Variants in SLC4A4 observed in about 807,000 individuals in gnomAD.
The protein encoded by SLC4A4 is solute carrier family 4 member 4.
A neutral mutation model predicts 111.5 loss-of-function variants in SLC4A4; 27 were observed. The observed-to-expected ratio is 0.24, with a 90% CI of 0.18 to 0.33. The LOEUF is 0.33. Ranked by LOEUF, SLC4A4 falls within the 10% of genes least tolerant of loss-of-function variation. The pLI is 1.00. For synonymous variants in SLC4A4, 443 were observed against 463.4 expected (o/e 0.96, Z 0.57); for missense variants, 909 against 1,315.5 (o/e 0.69, Z 4.78).
At chr4:71,377,838 C>T (rs1200871908) in intron 6 of SLC4A4, among the ~76,000 whole-genome samples, 1 of 152,024 alleles carries the variant, frequency 6.6e-6, no homozygotes, top group African/African-American at 2.4e-5. Flanking sequence ...TTGTATTAGT[C>T]CATTTTCATG....
intron 2 of SLC4A4, among the ~76,000 whole-genome samples, chr4:71,165,081 A>G (rs1456300067): frequency 3.9e-5 from 6 of 152,158 alleles, no homozygotes; most frequent in African/African-American, 1.4e-4. Context: ...GTGGAGAAAT[A>G]GGAACACTTT....
intron 2 of SLC4A4, among the ~76,000 whole-genome samples, chr4:71,142,410 TC>T (rs1166860384): frequency 1.3e-5 from 2 of 152,236 alleles, no homozygotes; most frequent in Admixed American, 6.5e-5. Context: ...TAGGGCTACT[TC>T]AGGCATCTAT....
At chr4:71,239,815 T>C (rs1029901077) in intron 2 of SLC4A4, among the ~76,000 whole-genome samples, 1 of 152,198 alleles carries the variant, frequency 6.6e-6, no homozygotes, top group Non-Finnish European at 1.5e-5. Context: ...CTGGTTACCT[T>C]GTACTATGCG....
At chr4:71,184,655 G>T (rs758637960), upstream of SLC4A4, among the ~76,000 whole-genome samples, 3 of 152,098 alleles carry the variant, frequency 2.0e-5, no homozygotes, top group African/African-American at 4.8e-5. Context: ...AAGACAAAAA[G>T]AACTAATAAA....
chr4:71,527,037 T>G (rs1733483416), intron 16 of SLC4A4, among the ~76,000 whole-genome samples: 1 of 152,120 alleles, frequency 6.6e-6, no homozygotes, highest in South Asian at 2.1e-4. Context: ...AACATTAATT[T>G]TCTCTGCAAC....
chr4:71,560,214 A>G lies in SLC4A4; in HGVS notation c.3059A>G (p.Lys1020Arg). The change falls in exon 23 of 26, where the codon AAG (lysine) becomes AGG (arginine). Residue 1020 changes from lysine (K) to arginine (R), a missense_variant. Transcript: ENST00000264485. ...AAAAAGAAGGAGGATGAGAAGAAAA[A>G]GAAAAAGAAGAAGGGAAGTCTGGAC... ...DKKKKEDEKK[K>R]KKKKGSLDSD... The G allele has an allele frequency of 6.2e-7, 1 of 1,610,752 alleles. No individual in the cohort carries two copies. Among genetic ancestry groups the G allele is most frequent in the Non-Finnish European group, 8.5e-7 (1 of 1,177,964 alleles).
intron 6 of SLC4A4, among the ~76,000 whole-genome samples, chr4:71,385,191 ATT>A (rs1157788396): frequency 1.8e-3 from 21 of 11,892 alleles, no homozygotes; most frequent in East Asian, 2.8e-3. Context: ...ATATATATAT[ATT>A]TTTTTTTTTT....
At chr4:71,142,946 T>A (rs1206445410) in intron 2 of SLC4A4, among the ~76,000 whole-genome samples, 1 of 151,274 alleles carries the variant, frequency 6.6e-6, no homozygotes, top group African/African-American at 2.4e-5. Flanking sequence ...TTCTTTCCTT[T>A]TTATTATTAT....
chr4:71,162,544 A>C (rs1279743409), intron 2 of SLC4A4, among the ~76,000 whole-genome samples: 3 of 152,140 alleles, frequency 2.0e-5, no homozygotes, highest in African/African-American at 7.2e-5. Context: ...CTAATCTCTT[A>C]TTGCTCCTTG....
chr4:71,536,492 A>ATATATATATATATATATATATTTATT (rs1246136965), intron 18 of SLC4A4, among the ~76,000 whole-genome samples: 1 of 126,650 alleles, frequency 7.9e-6, no homozygotes, highest in Non-Finnish European at 1.7e-5. Flanking sequence ...ATATATGTAT[A>ATATATATATATATATATATATTTATT]TATTTATTTA....
rs978509682 is a variant in SLC4A4 at position 71,236,656 on chromosome 4, T to C, written c.73+7T>C. The C allele has an allele frequency of 8.1e-6, 13 of 1,611,928 alleles. No homozygotes were observed. Among genetic ancestry groups the C allele is most frequent in the Non-Finnish European group, 1.1e-5 (13 of 1,178,182 alleles). On this transcript the variant is annotated splice_region_variant and intron_variant, in intron 2 of 25. Coordinates refer to ENST00000264485, the MANE Select transcript of SLC4A4 (RefSeq NM_001098484.3). Reference sequence around the variant, plus strand: ...GATGAAGAAGAAGTAGAAGGTGAGCTTTATGGGTCTGGGAAAGTGTCTGTT... The same window carrying C: ...GATGAAGAAGAAGTAGAAGGTGAGCCTTATGGGTCTGGGAAAGTGTCTGTT...
chr4:71,160,681 A>T (rs113319717), intron 2 of SLC4A4, among the ~76,000 whole-genome samples: 6 of 71,712 alleles, frequency 8.4e-5, no homozygotes, highest in East Asian at 3.1e-4. Flanking sequence ...AGGAATGATT[A>T]AAAAAAAAGC....
chr4:71,081,672 A>T (rs1460842462), intron 1 of SLC4A4, among the ~76,000 whole-genome samples: 1 of 152,132 alleles, frequency 6.6e-6, no homozygotes, highest in African/African-American at 2.4e-5. Flanking sequence ...GTCTTGCTGC[A>T]GCCAGAACTA....
chr4:71,273,014 C>T (rs1449187310), intron 3 of SLC4A4, among the ~76,000 whole-genome samples: 1 of 152,162 alleles, frequency 6.6e-6, no homozygotes, highest in Non-Finnish European at 1.5e-5. Flanking sequence ...TGATTGTTCT[C>T]ATAATAATAA....
At chr4:71,552,911 C>G (rs1377721124) in intron 20 of SLC4A4, among the ~76,000 whole-genome samples, 1 of 151,826 alleles carries the variant, frequency 6.6e-6, no homozygotes, top group Non-Finnish European at 1.5e-5. Flanking sequence ...AATGCATCTT[C>G]TCTTTCCTCC....
chr4:71,140,328 G>C (rs1743961016), intron 2 of SLC4A4, among the ~76,000 whole-genome samples: 1 of 152,118 alleles, frequency 6.6e-6, no homozygotes, highest in Non-Finnish European at 1.5e-5. Flanking sequence ...GGCTGAGGGG[G>C]GAGGATTGAT....
At chr4:71,164,278 G>A (rs1308035378) in intron 2 of SLC4A4, among the ~76,000 whole-genome samples, 1 of 151,744 alleles carries the variant, frequency 6.6e-6, no homozygotes, top group Non-Finnish European at 1.5e-5. Context: ...CTACTCAAGA[G>A]AGTGAGACAG....
chr4:71,236,460 T>A, intron 1 of SLC4A4, 116 bp from the exon 2 acceptor site: 1 of 928,124 alleles, frequency 1.1e-6, no homozygotes, highest in South Asian at 1.4e-5. Context: ...AGAGTGACTC[T>A]GCCCTGCTAA....
At chr4:71,558,482 G>A (rs377113880) in intron 22 of SLC4A4, among the ~76,000 whole-genome samples, 3 of 151,850 alleles carry the variant, frequency 2.0e-5, no homozygotes, top group African/African-American at 7.2e-5. Flanking sequence ...AGCAACTAAC[G>A]TTTCACTCTG....
Sources: allele counts gnomAD v4.1 joint callset (sites outside exome capture counted in the v4.1 genomes callset), GRCh38; gene constraint gnomAD v4.1.1; transcripts MANE v1.5; gene names NCBI Gene and HGNC (gene_info 2026-07-23, HGNC 2026-07-21).